Variants in AFF1 observed in about 807,000 individuals in gnomAD.
AFF1 encodes AF4/FMR2 family member 1.
In AFF1, 48 loss-of-function variants were observed where a neutral mutation model predicts 121.7. The ratio of observed to expected loss-of-function variants is 0.39; its 90% CI spans 0.31 to 0.50. The LOEUF (loss-of-function observed/expected upper bound fraction) is 0.50, where lower values mean the gene tolerates loss of function less well. AFF1 is among the 20% of genes least tolerant of loss of function. AFF1 has a pLI of 0.76. For missense variants in AFF1, 1,523 were observed against 1,511.7 expected (o/e 1.01, Z -0.12); for synonymous variants, 613 against 563.0 (o/e 1.09, Z -1.26).
intron 2 of AFF1, among the ~76,000 whole-genome samples, chr4:86,977,277 A>G (rs1271335683): frequency 2.0e-5 from 3 of 152,182 alleles, no homozygotes; most frequent in Non-Finnish European, 2.9e-5. Flanking sequence ...TGTAGTGTAG[A>G]TATACTGGAC....
intron 2 of AFF1, among the ~76,000 whole-genome samples, chr4:86,981,516 C>A (rs1253600637): frequency 6.6e-6 from 1 of 151,768 alleles, no homozygotes; most frequent in African/African-American, 2.4e-5. Context: ...TTCCAGGCAC[C>A]CACCACCATG....
intron 4 of AFF1, among the ~76,000 whole-genome samples, chr4:87,081,362 C>G (rs111310717): frequency 6.6e-6 from 1 of 151,776 alleles, no homozygotes; most frequent in Non-Finnish European, 1.5e-5. Flanking sequence ...GGGGTTTCAC[C>G]GTGTTAGCCA....
intron 2 of AFF1, among the ~76,000 whole-genome samples, chr4:87,034,641 A>C (rs1185275578): frequency 6.6e-6 from 1 of 152,248 alleles, no homozygotes. Context: ...CTAATTAATA[A>C]GTATGGTAAA....
intron 2 of AFF1, among the ~76,000 whole-genome samples, chr4:87,015,485 G>A (rs1446920848): frequency 6.6e-6 from 1 of 152,150 alleles, no homozygotes; most frequent in Admixed American, 6.5e-5. Context: ...TTGTGACTTG[G>A]TTTTAGTAAA....
At chr4:87,125,164 C>A (rs751667038) in intron 13 of AFF1, 21 bp downstream of exon 13, 2 of 1,569,884 alleles carry the variant, frequency 1.3e-6, no homozygotes, top group Non-Finnish European at 1.7e-6. Context: ...AGATTAGCAA[C>A]CACCTAATCT....
chr4:86,985,214 T>TATATATATATATAC (rs1277485096), intron 2 of AFF1, among the ~76,000 whole-genome samples: 1 of 104,560 alleles, frequency 9.6e-6, no homozygotes, highest in Admixed American at 9.8e-5. Flanking sequence ...TATATATATA[T>TATATATATATATAC]AAAATTATAT....
chr4:87,050,231 A>AAGG (rs3834221), intron 4 of AFF1, among the ~76,000 whole-genome samples: 33,543 of 151,570 alleles, frequency 0.22, 3,889 homozygotes, highest in East Asian at 0.32. Flanking sequence ...GAGCTGGGAG[A>AAGG]AGGGGGTGTG....
intron 2 of AFF1, among the ~76,000 whole-genome samples, chr4:87,020,391 G>C (rs1296814034): frequency 6.6e-6 from 1 of 152,206 alleles, no homozygotes; most frequent in Non-Finnish European, 1.5e-5. Context: ...TATTTTGTCT[G>C]TTTGATCTGC....
At chr4:87,009,708 G>T (rs1247910023) in intron 2 of AFF1, among the ~76,000 whole-genome samples, 2 of 152,226 alleles carry the variant, frequency 1.3e-5, no homozygotes, top group African/African-American at 2.4e-5. Context: ...GAGATCCAAA[G>T]AGAATATATG....
intron 2 of AFF1, among the ~76,000 whole-genome samples, chr4:87,001,885 T>C (rs1241578458): frequency 6.6e-6 from 1 of 152,184 alleles, no homozygotes; most frequent in Non-Finnish European, 1.5e-5. Context: ...TTGAGCACCC[T>C]TCTCTTGGCA....
intron 2 of AFF1, chr4:87,020,866 T>A (rs1578078925): frequency 1.0e-6 from 1 of 977,294 alleles, no homozygotes; most frequent in African/African-American, 1.8e-5. Flanking sequence ...TAGTTTTTAA[T>A]GTATTCTTCC....
chr4:87,026,868 A>G (rs150623760), intron 2 of AFF1, among the ~76,000 whole-genome samples: 1 of 152,326 alleles, frequency 6.6e-6, no homozygotes, highest in African/African-American at 2.4e-5. Flanking sequence ...ATGAAATAGA[A>G]CCATAGACTC....
At chr4:87,118,132 C>T (rs1340639552) in intron 12 of AFF1, among the ~76,000 whole-genome samples, 1 of 152,204 alleles carries the variant, frequency 6.6e-6, no homozygotes, top group Non-Finnish European at 1.5e-5. Context: ...TATTTAAAGG[C>T]CTCTTAGAGT....
chr4:87,113,335 G>C (rs1289695791), intron 11 of AFF1, among the ~76,000 whole-genome samples: 2 of 151,954 alleles, frequency 1.3e-5, no homozygotes, highest in African/African-American at 4.8e-5. Context: ...CTAAGCTGGA[G>C]TGCACATGGC....
intron 8 of AFF1, among the ~76,000 whole-genome samples, chr4:87,104,235 A>G (rs1725694516): frequency 6.6e-6 from 1 of 152,250 alleles, no homozygotes; most frequent in African/African-American, 2.4e-5. Context: ...GTAAGACCTC[A>G]TCTCTACAAA....
At chr4:86,942,263 A>G (rs1425280663) in intron 1 of AFF1, among the ~76,000 whole-genome samples, 1 of 152,212 alleles carries the variant, frequency 6.6e-6, no homozygotes, top group Non-Finnish European at 1.5e-5. Context: ...ACGATATTTT[A>G]CCAGCCCACA....
chr4:87,072,013 C>G (rs2149679066), intron 4 of AFF1, among the ~76,000 whole-genome samples: 1 of 152,068 alleles, frequency 6.6e-6, no homozygotes, highest in East Asian at 1.9e-4. Flanking sequence ...AAGTCAGAGG[C>G]AGACGATGAG....
At chr4:86,985,854 A>C (rs1379144808) in intron 2 of AFF1, among the ~76,000 whole-genome samples, 1 of 151,860 alleles carries the variant, frequency 6.6e-6, no homozygotes, top group Non-Finnish European at 1.5e-5. Flanking sequence ...AGAAAAAGTT[A>C]TTTACAGAAA....
chr4:87,037,542 A>G lies in AFF1; in HGVS notation c.39-8624A>G, dbSNP rs76323840. On this transcript the variant is annotated intron_variant, in intron 2 of 20. Coordinates refer to ENST00000395146, the MANE Select transcript of AFF1 (RefSeq NM_001166693.3). ...TCGCCAGGCTAGTCTTGAACTCCTG[A>G]CCTCAAGTGATCTGCCCGCCTCGGC... 5.0e-4 allele frequency among the ~76,000 whole-genome samples: 76 copies of G among 152,152 alleles called. No individual in the cohort carries two copies. The East Asian group carries it at 0.013, about 26-fold the overall frequency.
Sources: allele counts gnomAD v4.1 joint callset (sites outside exome capture counted in the v4.1 genomes callset), GRCh38; gene constraint gnomAD v4.1.1; transcripts MANE v1.5; gene names NCBI Gene and HGNC (gene_info 2026-07-23, HGNC 2026-07-21).